COL6A6: variants seen among roughly 807,000 people sequenced by gnomAD.
COL6A6 encodes the protein collagen type VI alpha 6 chain.
COL6A6 carries 183 observed loss-of-function variants against 208.6 expected under a neutral mutation model. That is an observed-to-expected ratio of 0.88 (90% CI 0.78 to 0.99). The LOEUF (loss-of-function observed/expected upper bound fraction) is 0.99, where lower values mean the gene tolerates loss of function less well. Among genes scored for constraint, COL6A6 ranks in the 50% least tolerant of loss-of-function variants. COL6A6 has a pLI of 0.00. For missense variants in COL6A6, 2,816 were observed against 2,815.2 expected, an observed-to-expected ratio of 1.00 and a Z score of -0.01; for synonymous variants, 973 against 1,011.8, an observed-to-expected ratio of 0.96 and a Z score of 0.73.
chr3:130,665,327 A>G (rs2066049132), intron 36 of COL6A6, among the ~76,000 whole-genome samples: 2 of 152,172 alleles, frequency 1.3e-5, no homozygotes, highest in Admixed American at 1.3e-4. Flanking sequence ...TAAGTGTTGA[A>G]ATAAAACACC....
At chr3:130,528,274 C>T (rs1370686397) in intron 1 of COL6A6, among the ~76,000 whole-genome samples, 1 of 152,094 alleles carries the variant, frequency 6.6e-6, no homozygotes, top group African/African-American at 2.4e-5. Flanking sequence ...GCCAGATGGG[C>T]ATGGGGCAGG....
chr3:130,650,299 G>A (rs969849481), intron 33 of COL6A6, among the ~76,000 whole-genome samples: 1 of 152,182 alleles, frequency 6.6e-6, no homozygotes, highest in Non-Finnish European at 1.5e-5. Context: ...GGGGGCCAGG[G>A]AGCAGCAAAG....
intron 36 of COL6A6, among the ~76,000 whole-genome samples, chr3:130,669,284 A>G (rs1285652217): frequency 6.6e-6 from 1 of 152,020 alleles, no homozygotes; most frequent in Non-Finnish European, 1.5e-5. Context: ...AATCCCAGCT[A>G]CTCGGGAGGC....
intron 1 of COL6A6, among the ~76,000 whole-genome samples, chr3:130,520,065 G>A (rs1259848354): frequency 6.6e-6 from 1 of 152,182 alleles, no homozygotes; most frequent in Non-Finnish European, 1.5e-5. Context: ...GATTGTGGCT[G>A]TTTTGCTTTT....
intron 20 of COL6A6, among the ~76,000 whole-genome samples, chr3:130,601,585 T>A (rs2064021368): frequency 6.6e-6 from 1 of 152,204 alleles, no homozygotes; most frequent in Non-Finnish European, 1.5e-5. Flanking sequence ...ACTTTCACTG[T>A]TTTATAGCCT....
chr3:130,591,694 C>T (rs964701166), intron 13 of COL6A6, among the ~76,000 whole-genome samples: 1 of 152,296 alleles, frequency 6.6e-6, no homozygotes, highest in South Asian at 2.1e-4. Context: ...CTCCAGGAAA[C>T]TTTCAAACTA....
rs1319440650 is a variant in COL6A6, at chr3:130,661,757, TA to T, written c.5953del (p.Arg1985GlufsTer8). ...ATGGGAAGTGCTGAATTTGAAGACA[TA>T]AGAGCCTTCCTTGGAGCACTATTAG... Reference protein sequence around the residue: ...RNMGSAEFEDIRAFLGALLDH... With the variant: ...RNMGSAEFEDXRAFLGALLDH... On this transcript the variant is annotated frameshift_variant, in exon 35 of 37. Transcript: ENST00000358511. LOFTEE classifies it high-confidence loss of function. 6.2e-7 allele frequency: 1 copy of T among 1,613,938 alleles called. No individual in the cohort carries two copies. Among genetic ancestry groups the T allele is most frequent in the African/African-American group, 1.3e-5 (1 of 75,040 alleles).
chr3:130,607,349 T>C (rs1188436645), intron 21 of COL6A6, among the ~76,000 whole-genome samples: 2 of 152,210 alleles, frequency 1.3e-5, no homozygotes, highest in East Asian at 3.8e-4. Flanking sequence ...CTTGTACAAA[T>C]TGGATATTCT....
At chr3:130,624,563 G>T (rs571713668) in intron 24 of COL6A6, among the ~76,000 whole-genome samples, 1 of 152,304 alleles carries the variant, frequency 6.6e-6, no homozygotes, top group Admixed American at 6.5e-5. Flanking sequence ...TCTTGTCCCT[G>T]AAGAAGGCTC....
intron 35 of COL6A6, among the ~76,000 whole-genome samples, chr3:130,664,788 G>C (rs2066030808): frequency 1.3e-5 from 2 of 152,162 alleles, no homozygotes; most frequent in Non-Finnish European, 2.9e-5. Flanking sequence ...TGAAAAGTTA[G>C]TTGAATTCAC....
At chr3:130,589,229 C>A in intron 12 of COL6A6, 47 bp downstream of exon 12, 1 of 1,346,962 alleles carries the variant, frequency 7.4e-7, no homozygotes, top group African/African-American at 1.4e-5. Flanking sequence ...GTAGTATGTC[C>A]TTCAGACATG....
chr3:130,605,983 C>T (rs2064172214), intron 20 of COL6A6, among the ~76,000 whole-genome samples: 1 of 152,162 alleles, frequency 6.6e-6, no homozygotes, highest in Non-Finnish European at 1.5e-5. Flanking sequence ...TGGGTCCCTC[C>T]CACAACATGT....
At chr3:130,672,964 T>G (rs1199480013) in intron 36 of COL6A6, among the ~76,000 whole-genome samples, 1 of 145,346 alleles carries the variant, frequency 6.9e-6, no homozygotes, top group East Asian at 2.1e-4. Context: ...TAAGCCGGGA[T>G]CATGCCACTG....
intron 18 of COL6A6, among the ~76,000 whole-genome samples, chr3:130,595,686 C>A (rs144422578): frequency 2.6e-4 from 39 of 152,150 alleles, no homozygotes; most frequent in African/African-American, 9.4e-4. Flanking sequence ...TGTGAATATA[C>A]CATGATTTAT....
Position 130,661,858 on chromosome 3 carries a change from C to T in COL6A6, c.6052C>T (p.Pro2018Ser). ...GGTGGCCCTATTGAGCCATGCTCCC[C>T]CCGACTTCCTACCCAACACTCAGAA... ...DRVALLSHAP[P>S]DFLPNTQKSP... Residue 2018 changes from proline to serine, a missense_variant, in exon 35 of 37, where the codon CCC (proline) becomes TCC (serine). Coordinates refer to ENST00000358511, the MANE Select transcript of COL6A6 (RefSeq NM_001102608.3). 6.2e-7 allele frequency: 1 copy of T among 1,613,916 alleles called. No individual in the cohort carries two copies. Among genetic ancestry groups the T allele is most frequent in the Non-Finnish European group, 8.5e-7 (1 of 1,179,862 alleles).
intron 35 of COL6A6, among the ~76,000 whole-genome samples, chr3:130,664,265 A>G (rs2066016083): frequency 6.6e-6 from 1 of 152,238 alleles, no homozygotes; most frequent in African/African-American, 2.4e-5. Context: ...CAGAAGCATC[A>G]CACAGTCTTA....
At chr3:130,562,756 TTC>T (rs1296741456) in intron 2 of COL6A6, among the ~76,000 whole-genome samples, 7 of 152,222 alleles carry the variant, frequency 4.6e-5, no homozygotes, top group Non-Finnish European at 8.8e-5. Flanking sequence ...GATTTTTTAT[TTC>T]TCTGTTTATT....
rs1560040034 is a variant in COL6A6 at position 130,593,184 on chromosome 3, CT to C, written c.4417-13del. 6.2e-7 allele frequency: 1 copy of C among 1,612,872 alleles called. No individual in the cohort carries two copies. Among genetic ancestry groups the C allele is most frequent in the Non-Finnish European group, 8.5e-7 (1 of 1,178,972 alleles). On this transcript the variant is annotated splice_polypyrimidine_tract_variant and intron_variant, in intron 16 of 36. Coordinates refer to ENST00000358511, the MANE Select transcript of COL6A6 (RefSeq NM_001102608.3). ...ACGAGAATTCTATTAATAGCTTTCC[CT>C]TCTTGTTTTTTAGGGTGATAATGGT...
In COL6A6 at chr3:130,565,288, T is replaced by G. The variant is rs765072247; in HGVS notation, c.956T>G (p.Val319Gly). ...GAAIKKLRKE[V>G]FSARNGSRKN... ...GCCATCAAAAAGCTCAGGAAGGAAG[T>G]TTTTAGTGCACGGAATGGCAGTCGG... Residue 319 changes from valine (V) to glycine (G), a missense_variant, in exon 4 of 37, where the codon GTT becomes GGT. By Grantham distance (109) the Val-to-Gly change is moderately radical. Transcript: ENST00000358511. 1 of 1,612,648 alleles carries G rather than the reference T, an allele frequency of 6.2e-7. No individual in the cohort carries two copies. The highest frequency in any genetic ancestry group is 8.5e-7 in the Non-Finnish European group (1 of 1,179,490).
Sources: allele counts gnomAD v4.1 joint callset (sites outside exome capture counted in the v4.1 genomes callset), GRCh38; gene constraint gnomAD v4.1.1; transcripts MANE v1.5; gene names NCBI Gene and HGNC (gene_info 2026-07-23, HGNC 2026-07-21).